The following SCHIP1 variants were observed in gnomAD, a reference collection of about 807,000 sequenced individuals.
SCHIP1 encodes schwannomin interacting protein 1.
SCHIP1 carries 8 observed loss-of-function variants against 29.7 expected under a neutral mutation model. That is an observed-to-expected ratio of 0.27 (90% CI 0.16 to 0.49). SCHIP1 has a LOEUF of 0.49. Among genes scored for constraint, SCHIP1 ranks in the 20% least tolerant of loss-of-function variants. SCHIP1 has a pLI of 0.99. For missense variants in SCHIP1, 193 were observed against 294.6 expected (o/e 0.66, Z 2.52); for synonymous variants, 76 against 94.9 (o/e 0.80, Z 1.16).
the SCHIP1 span, among the ~76,000 whole-genome samples, chr3:159,498,300 G>T: frequency 6.6e-6 from 1 of 152,118 alleles, no homozygotes; most frequent in Non-Finnish European, 1.5e-5. Flanking sequence ...TAATTGTCTT[G>T]TTCAAAGAGC....
At chr3:159,764,416 A>G in the SCHIP1 span, 1 of 1,552,020 alleles carries the variant, frequency 6.4e-7, no homozygotes, top group Non-Finnish European at 8.7e-7. This position sits in a 1 kb window ranked among gnomAD's most constrained non-coding sequence, Gnocchi z 6.1. Flanking sequence ...TTGGCCCAGC[A>G]GCTCACTCTC....
the SCHIP1 span, among the ~76,000 whole-genome samples, chr3:159,766,277 G>A: frequency 6.6e-6 from 1 of 152,100 alleles, no homozygotes. Flanking sequence ...TGACTTCAGG[G>A]GTGAGGATGG....
chr3:159,666,411 T>C, the SCHIP1 span, among the ~76,000 whole-genome samples: 1 of 152,252 alleles, frequency 6.6e-6, no homozygotes, highest in Admixed American at 6.5e-5. Flanking sequence ...TCAAGACTTC[T>C]AAGTTATTCA....
At chr3:159,405,110 AG>A in the SCHIP1 span, among the ~76,000 whole-genome samples, 1 of 152,206 alleles carries the variant, frequency 6.6e-6, no homozygotes, top group South Asian at 2.1e-4. Context: ...AGATGGCTGC[AG>A]TGACCAAAAT....
chr3:159,448,440 C>T, the SCHIP1 span, among the ~76,000 whole-genome samples: 1 of 151,984 alleles, frequency 6.6e-6, no homozygotes, highest in Non-Finnish European at 1.5e-5. Context: ...CACTGCACTC[C>T]AGAATGGCGG....
chr3:159,309,055 G>T, the SCHIP1 span: 1 of 152,440 alleles, frequency 6.6e-6, no homozygotes, highest in Non-Finnish European at 1.5e-5. Context: ...CCTATTGAGG[G>T]CTATGCTCAC....
chr3:159,713,233 G>GAAGAAAGAAA, the SCHIP1 span, among the ~76,000 whole-genome samples: 3 of 124,538 alleles, frequency 2.4e-5, no homozygotes, highest in Non-Finnish European at 5.0e-5. Context: ...AGAAAGAAAG[G>GAAGAAAGAAA]AAGAAAGAAA....
At chr3:159,717,110 A>G in the SCHIP1 span, among the ~76,000 whole-genome samples, 1 of 152,228 alleles carries the variant, frequency 6.6e-6, no homozygotes, top group African/African-American at 2.4e-5. Context: ...TGGAAACTGA[A>G]CAACCTGCTC....
At chr3:159,595,524 G>C in the SCHIP1 span, among the ~76,000 whole-genome samples, 1 of 152,164 alleles carries the variant, frequency 6.6e-6, no homozygotes, top group South Asian at 2.1e-4. Flanking sequence ...TGCCCTTCAG[G>C]AGCCATGCAA....
chr3:159,277,338 A>G, the SCHIP1 span, among the ~76,000 whole-genome samples: 3 of 152,198 alleles, frequency 2.0e-5, no homozygotes, highest in Non-Finnish European at 4.4e-5. Flanking sequence ...GATATAAAAG[A>G]ATATAAAGCT....
the SCHIP1 span, among the ~76,000 whole-genome samples, chr3:159,673,720 G>A: frequency 6.6e-6 from 1 of 152,186 alleles, no homozygotes; most frequent in African/African-American, 2.4e-5. Context: ...GGAGAGCTGA[G>A]GGAGAAAGTT....
the SCHIP1 span, among the ~76,000 whole-genome samples, chr3:159,755,715 C>T: frequency 6.6e-6 from 1 of 152,204 alleles, no homozygotes; most frequent in Admixed American, 6.5e-5. Context: ...CACCTATGAG[C>T]CTGTAAAATC....
At chr3:159,717,167 T>A in the SCHIP1 span, among the ~76,000 whole-genome samples, 1 of 152,196 alleles carries the variant, frequency 6.6e-6, no homozygotes, top group Non-Finnish European at 1.5e-5. Context: ...GAAATAAAGA[T>A]GTTCTTTGAA....
At chr3:159,460,893 G>A in the SCHIP1 span, among the ~76,000 whole-genome samples, 3 of 152,164 alleles carry the variant, frequency 2.0e-5, no homozygotes, top group South Asian at 4.1e-4. Context: ...AATCTGTAGT[G>A]TTCCTTTGCC....
At chr3:159,537,884 G>A in the SCHIP1 span, among the ~76,000 whole-genome samples, 1 of 152,092 alleles carries the variant, frequency 6.6e-6, no homozygotes, top group African/African-American at 2.4e-5. Context: ...AATATACATA[G>A]TGTATTAAAG....
chr3:159,302,635 G>T, the SCHIP1 span, among the ~76,000 whole-genome samples: 1 of 152,196 alleles, frequency 6.6e-6, no homozygotes, highest in South Asian at 2.1e-4. Context: ...AAGTAGGTTT[G>T]TAGATTCGAG....
the SCHIP1 span, among the ~76,000 whole-genome samples, chr3:159,492,876 A>T: frequency 6.6e-6 from 1 of 152,216 alleles, no homozygotes; most frequent in African/African-American, 2.4e-5. Flanking sequence ...CCACAAAGGG[A>T]AGCCCATCAG....
the SCHIP1 span, among the ~76,000 whole-genome samples, chr3:159,442,893 T>A: frequency 6.6e-6 from 1 of 152,322 alleles, no homozygotes; most frequent in South Asian, 2.1e-4. Context: ...ATTCATTTGA[T>A]GAGAATATTA....
intron 1 of SCHIP1, among the ~76,000 whole-genome samples, chr3:159,852,182 C>A (rs1712736336): frequency 2.0e-5 from 3 of 152,184 alleles, no homozygotes; most frequent in Non-Finnish European, 2.9e-5. Flanking sequence ...TCTTGAATAG[C>A]CTTTTTGCTT....
Sources: allele counts gnomAD v4.1 joint callset (sites outside exome capture counted in the v4.1 genomes callset), GRCh38; gene constraint gnomAD v4.1.1; non-coding constraint Gnocchi (gnomAD v3.1); transcripts MANE v1.5; gene names NCBI Gene and HGNC (gene_info 2026-07-23, HGNC 2026-07-21).